CBLB: variants seen among roughly 807,000 people sequenced by gnomAD.
CBLB encodes the protein E3 ubiquitin-protein ligase CBL-B.
In CBLB, 31 loss-of-function variants were observed where a neutral mutation model predicts 104.9. That is an observed-to-expected ratio of 0.30 (90% CI 0.22 to 0.40). The LOEUF (loss-of-function observed/expected upper bound fraction) is 0.40. Ranked by LOEUF, CBLB falls within the 10% of genes least tolerant of loss-of-function variation. The pLI, the probability that CBLB is intolerant of heterozygous loss-of-function variation, is 1.00. For missense variants in CBLB, 1,062 were observed against 1,214.6 expected (o/e 0.87, Z 1.87); for synonymous variants, 440 against 422.6 (o/e 1.04, Z -0.51).
intron 3 of CBLB, among the ~76,000 whole-genome samples, chr3:105,839,930 G>T (rs1019508329): frequency 6.6e-6 from 1 of 152,214 alleles, no homozygotes; most frequent in Non-Finnish European, 1.5e-5. Flanking sequence ...ATGTGGTAAG[G>T]AGAATTTGCT....
intron 4 of CBLB, among the ~76,000 whole-genome samples, chr3:105,760,181 T>C (rs2077483604): frequency 6.6e-6 from 1 of 152,180 alleles, no homozygotes; most frequent in African/African-American, 2.4e-5. Context: ...AACAATAAAT[T>C]TGCTATAGTC....
chr3:105,698,605 CAAAAAAAAAAAA>C (rs34896633), intron 12 of CBLB, among the ~76,000 whole-genome samples: 1 of 80,818 alleles, frequency 1.2e-5, no homozygotes. Flanking sequence ...ACCATTTGAC[CAAAAAAAAAAAA>C]AAAAAAAAAG....
chr3:105,712,579 T>C (rs753067536), intron 10 of CBLB, among the ~76,000 whole-genome samples: 1 of 152,226 alleles, frequency 6.6e-6, no homozygotes, highest in Non-Finnish European at 1.5e-5. Flanking sequence ...ATTTGGTTAC[T>C]GTAGTTCTTC....
At position 105,681,757 on chromosome 3, in the gene CBLB, A is replaced by G. The variant is rs1206068981; in HGVS notation, c.2263T>C (p.Ser755Pro). ...GTHGPSSEKK[S>P]NIPDLSIYLK... is the part of the protein sequence containing the mutation. ...TATATGCTTAAGTCAGGGATGTTTG[A>G]TTTCTTCTCTGAAGATGGACCATGT... The change falls in exon 15 of 19, where the codon TCA (serine) becomes CCA (proline). Residue 755 changes from serine (S) to proline (P), a missense_variant. Coordinates refer to ENST00000394030, the MANE Select transcript of CBLB (RefSeq NM_170662.5). The G allele has an allele frequency of 6.2e-7, 1 of 1,610,994 alleles. No individual in the cohort carries two copies. Among genetic ancestry groups the G allele is most frequent in the African/African-American group, 1.3e-5 (1 of 74,992 alleles).
At position 105,717,768 on chromosome 3, in the gene CBLB, A is replaced by G. The variant is rs576176191; in HGVS notation, c.1407+2279T>C. ...AGCTCCGCATATGTAGCTCTCTCAC[A>G]TGCATAGTGATGAAATGATTTCTAC... is the stretch of plus-strand genomic sequence containing the variant. On this transcript the variant is annotated intron_variant, in intron 10 of 18. Transcript: ENST00000394030. 7.9e-5 allele frequency among the ~76,000 whole-genome samples: 12 copies of G among 152,308 alleles called. No homozygotes were observed. The South Asian group carries it at 1.2e-3, about 16-fold the overall frequency.
At chr3:105,676,143 G>T (rs1444225057) in intron 17 of CBLB, among the ~76,000 whole-genome samples, 1 of 151,772 alleles carries the variant, frequency 6.6e-6, no homozygotes, top group East Asian at 1.9e-4. Flanking sequence ...TCTAAGTTAA[G>T]GATAAGTGTT....
intron 14 of CBLB, among the ~76,000 whole-genome samples, chr3:105,682,832 T>C (rs1475991819): frequency 1.3e-5 from 2 of 152,154 alleles, no homozygotes; most frequent in Non-Finnish European, 2.9e-5. Context: ...TTCGGAATCA[T>C]ACTATGAACA....
At chr3:105,685,189 A>C (rs2066855938) in intron 14 of CBLB, 131 bp downstream of exon 14, 3 of 809,426 alleles carry the variant, frequency 3.7e-6, no homozygotes, top group South Asian at 2.9e-5. Context: ...AAATGGTATA[A>C]TAGGAAGAGA....
At chr3:105,753,197 G>A (rs931139291) in intron 4 of CBLB, among the ~76,000 whole-genome samples, 2 of 151,920 alleles carry the variant, frequency 1.3e-5, no homozygotes, top group Admixed American at 6.6e-5. Context: ...AGAGAGTTTA[G>A]GTTTCAGGTA....
At chr3:105,834,385 G>C (rs558018016) in intron 3 of CBLB, among the ~76,000 whole-genome samples, 12 of 152,150 alleles carry the variant, frequency 7.9e-5, no homozygotes, top group Admixed American at 7.9e-4. Flanking sequence ...GGCTGGACAC[G>C]GTAGCTCATG....
At chr3:105,768,192 T>C (rs2078442363) in intron 4 of CBLB, among the ~76,000 whole-genome samples, 1 of 152,086 alleles carries the variant, frequency 6.6e-6, no homozygotes, top group Non-Finnish European at 1.5e-5. Flanking sequence ...AAATAGTAAA[T>C]GCAGAAGATA....
intron 12 of CBLB, among the ~76,000 whole-genome samples, chr3:105,701,105 T>TA (rs2069034492): frequency 6.6e-6 from 1 of 152,150 alleles, no homozygotes; most frequent in South Asian, 2.1e-4. Context: ...CAGAAATTAT[T>TA]ACAGTATACC....
chr3:105,659,223 G>A lies in CBLB; in HGVS notation c.2696C>T (p.Ser899Leu). Residue 899 changes from serine (S) to leucine (L), a missense_variant, in exon 19 of 19, where the codon TCA (serine) becomes TTA (leucine). This residue lies in a region of CBLB where 605 missense variants were observed against 582.6 expected (regional missense o/e 1.04). Transcript: ENST00000394030. ...YDQLPSCSDG[S>L]QAPARPPKPR... Reference sequence around the variant, plus strand: ...TTTAGGGGGTCTGGCTGGTGCCTGTGAACCATCTGTGTAGATTTTTAAAGA... The same window carrying A: ...TTTAGGGGGTCTGGCTGGTGCCTGTAAACCATCTGTGTAGATTTTTAAAGA... 1 of 1,613,778 alleles carries A rather than the reference G, an allele frequency of 6.2e-7. No individual in the cohort carries two copies. The highest frequency in any genetic ancestry group is 1.1e-5 in the South Asian group (1 of 91,074).
chr3:105,767,198 A>T (rs1330351854), intron 4 of CBLB, among the ~76,000 whole-genome samples: 1 of 152,034 alleles, frequency 6.6e-6, no homozygotes, highest in African/African-American at 2.4e-5. Flanking sequence ...TCTGCTAAAA[A>T]TTTTCATTGT....
intron 18 of CBLB, among the ~76,000 whole-genome samples, chr3:105,669,415 G>A (rs1486468199): frequency 6.6e-6 from 1 of 152,118 alleles, no homozygotes; most frequent in Non-Finnish European, 1.5e-5. Flanking sequence ...CTGAATGTTG[G>A]TAGCTTGATC....
intron 17 of CBLB, chr3:105,673,195 A>G (rs1029087438): frequency 8.6e-5 from 13 of 151,918 alleles, no homozygotes; most frequent in Non-Finnish European, 1.6e-4. Context: ...TGGCCTCCCA[A>G]GTAGCTGAGA....
chr3:105,752,419 A>T (rs2076674354), intron 4 of CBLB, among the ~76,000 whole-genome samples: 1 of 152,174 alleles, frequency 6.6e-6, no homozygotes, highest in Non-Finnish European at 1.5e-5. Flanking sequence ...GACACCCAGG[A>T]TGCATTTCTT....
intron 6 of CBLB, among the ~76,000 whole-genome samples, chr3:105,741,345 C>A (rs1333862673): frequency 3.3e-5 from 5 of 151,806 alleles, no homozygotes; most frequent in Admixed American, 3.3e-4. Flanking sequence ...TGTGCCACGA[C>A]GCCCAGCTAA....
chr3:105,857,833 G>T (rs561995181), intron 2 of CBLB, among the ~76,000 whole-genome samples: 2 of 152,268 alleles, frequency 1.3e-5, no homozygotes, highest in Non-Finnish European at 2.9e-5. Flanking sequence ...AAAGACTGGT[G>T]GCTTAGGAAA....
Sources: gnomAD v4.1 joint callset for allele counts (sites outside exome capture counted in the v4.1 genomes callset) on GRCh38, gnomAD v4.1.1 for gene constraint, gnomAD v4.1.1 regional missense constraint, MANE v1.5 for transcripts, NCBI Gene and HGNC (gene_info 2026-07-23, HGNC 2026-07-21) for gene names.